Variants in DRGX observed in about 807,000 individuals in gnomAD.
DRGX encodes dorsal root ganglia homeobox protein.
Under a neutral mutation model 28.6 loss-of-function variants are expected in DRGX, and 21 were observed. The ratio of observed to expected loss-of-function variants is 0.73; its 90% CI spans 0.52 to 1.06. DRGX has a LOEUF of 1.06. Ranked by LOEUF, DRGX falls within the 50% of genes least tolerant of loss-of-function variation. The pLI is 0.00. For synonymous variants in DRGX, 136 were observed against 139.1 expected (o/e 0.98, Z 0.16); for missense variants, 354 against 343.9 (o/e 1.03, Z -0.23).
rs1849593405 is a variant in DRGX, at chr10:49,365,957, G to A, written c.*159C>T. Reference sequence around the variant, plus strand: ...GTGGGACTCCAGAGGGACGCTCCAGGTGCCAAGGGAGCTGTGGGTCTCACT... The same window carrying A: ...GTGGGACTCCAGAGGGACGCTCCAGATGCCAAGGGAGCTGTGGGTCTCACT... On this transcript the variant is annotated 3_prime_UTR_variant, in exon 7 of 7. Coordinates refer to ENST00000374139, the MANE Select transcript of DRGX (RefSeq NM_001276451.2). 9.7e-6 allele frequency: 8 copies of A among 826,470 alleles called. No homozygotes were observed. In the East Asian group the frequency reaches 2.4e-4, roughly 25 times the overall value. 51.2% of individuals were successfully genotyped at this position (826,470 alleles called of 1,614,324 possible). A position where few individuals can be genotyped will look rare whatever the true frequency, so the allele number is the denominator to read the frequency against.
chr10:49,377,898 T>A (rs1278266009), intron 6 of DRGX, among the ~76,000 whole-genome samples: 1 of 152,150 alleles, frequency 6.6e-6, no homozygotes, highest in Admixed American at 6.5e-5. Flanking sequence ...AAACCTGGAA[T>A]GGAGATTATA....
Position 49,390,240 on chromosome 10 carries a change from A to T in DRGX, c.133-6T>A. On this transcript the variant is annotated splice_polypyrimidine_tract_variant and splice_region_variant and intron_variant, in intron 3 of 6. Transcript: ENST00000374139. ...ACGGCCTCGAGAGCTTCCAGCTGGT[A>T]AAAGGAAAAAATATGTACTGGTGAG... is the stretch of plus-strand genomic sequence containing the variant. 1.2e-6 allele frequency: 2 copies of T among 1,603,940 alleles called. No homozygotes were observed. Among genetic ancestry groups the T allele is most frequent in the South Asian group, 2.3e-5 (2 of 88,784 alleles).
rs554330479 is a variant in DRGX, at chr10:49,366,304, G to C, written c.604C>G (p.Arg202Gly). Residue 202 changes from arginine to glycine, a missense_variant, in exon 7 of 7, where the codon CGC (arginine) becomes GGC (glycine). Physicochemically the swap from Arg to Gly is moderately radical, Grantham distance 125 (BLOSUM62 -2). Coordinates refer to ENST00000374139, the MANE Select transcript of DRGX (RefSeq NM_001276451.2). ...FLPTYGCQSN[R>G]TASVATLRMK... is the part of the protein sequence containing the mutation. ...CGCAGGGTGGCCACGCTGGCCGTGC[G>C]GTTACTCTGGCAGCCATAGGTGGGA... The C allele has an allele frequency of 1.9e-6, 3 of 1,613,912 alleles. No individual in the cohort carries two copies. Among genetic ancestry groups the C allele is most frequent in the Non-Finnish European group, 2.5e-6 (3 of 1,179,848 alleles).
chr10:49,393,370 G>A lies in DRGX; in HGVS notation c.34+2037C>T, dbSNP rs536169324. Among the ~76,000 whole-genome samples, 4 of 152,276 alleles carry A rather than the reference G, an allele frequency of 2.6e-5. No individual in the cohort carries two copies. The South Asian group carries it at 8.3e-4, about 32-fold the overall frequency. ...ATGAGAATTAAATCATGTTTTTCTT[G>A]AAGGAATCACAAAAAAAATAGCAGA... On this transcript the variant is annotated intron_variant, in intron 2 of 6. Transcript: ENST00000374139.
chr10:49,393,471 A>T (rs1304549665), intron 2 of DRGX, among the ~76,000 whole-genome samples: 2 of 152,228 alleles, frequency 1.3e-5, no homozygotes, highest in African/African-American at 4.8e-5. Context: ...CAAACTTCTC[A>T]GGCAGGTGCC....
chr10:49,374,214 A>G (rs1348378105), intron 6 of DRGX, among the ~76,000 whole-genome samples: 1 of 152,168 alleles, frequency 6.6e-6, no homozygotes, highest in Non-Finnish European at 1.5e-5. Context: ...TCCAGCACAG[A>G]GTCCCACACA....
chr10:49,375,229 T>C (rs1039608815), intron 6 of DRGX, among the ~76,000 whole-genome samples: 2 of 152,198 alleles, frequency 1.3e-5, no homozygotes, highest in Non-Finnish European at 2.9e-5. Flanking sequence ...TGAGCCGTGT[T>C]TGTTTTTGTA....
At chr10:49,384,762 C>A (rs970807874) in intron 6 of DRGX, among the ~76,000 whole-genome samples, 41 of 152,202 alleles carry the variant, frequency 2.7e-4, no homozygotes, top group African/African-American at 9.6e-4. Flanking sequence ...CTCCCTCTCA[C>A]ACACTGCCCT....
intron 6 of DRGX, among the ~76,000 whole-genome samples, chr10:49,371,389 G>A (rs985964126): frequency 7.2e-5 from 11 of 152,108 alleles, no homozygotes; most frequent in African/African-American, 1.9e-4. Flanking sequence ...ACAGTGGCTC[G>A]CACCTGTATT....
At position 49,391,562 on chromosome 10, in the gene DRGX, G is replaced by A. The variant is rs530479377; in HGVS notation, c.35-301C>T. Among the ~76,000 whole-genome samples, 8 of 152,264 alleles carry A rather than the reference G, an allele frequency of 5.3e-5. No individual in the cohort carries two copies. In the South Asian group the frequency reaches 1.2e-3, roughly 24 times the overall value. ...AACCAGGAAGGGTCACTGGCTTGAG[G>A]CAGAGCCTTCACGTGCTCTCCAGCT... On this transcript the variant is annotated intron_variant, in intron 2 of 6. Transcript: ENST00000374139.
intron 6 of DRGX, among the ~76,000 whole-genome samples, chr10:49,374,121 G>A (rs993989054): frequency 3.3e-5 from 5 of 151,974 alleles, no homozygotes; most frequent in Non-Finnish European, 7.4e-5. Context: ...AACTGACCAG[G>A]TATTACTCTC....
At chr10:49,386,419 C>A (rs1849836565) in intron 6 of DRGX, 59 bp downstream of exon 6, 5 of 1,434,438 alleles carry the variant, frequency 3.5e-6, no homozygotes, top group Non-Finnish European at 3.7e-6. Flanking sequence ...AGGCCGGTCA[C>A]ACAAACTCCA....
At chr10:49,386,449 C>T (rs903196355) in intron 6 of DRGX, 29 bp downstream of exon 6, 2 of 1,500,220 alleles carry the variant, frequency 1.3e-6, no homozygotes, top group African/African-American at 1.4e-5. Context: ...TGAGGCCACG[C>T]CCACCAGCCC....
intron 2 of DRGX, 146 bp downstream of exon 2, chr10:49,395,261 G>T: frequency 1.1e-6 from 1 of 922,326 alleles, no homozygotes; most frequent in Non-Finnish European, 1.6e-6. Context: ...GGTGTAGGGA[G>T]GGGTCCAGGG....
chr10:49,395,350 G>T (rs1054081424), intron 2 of DRGX, 57 bp downstream of exon 2: 3 of 1,544,780 alleles, frequency 1.9e-6, no homozygotes, highest in Non-Finnish European at 8.7e-7. Flanking sequence ...CTGCCGCTCC[G>T]GCCCTTTCTG....
chr10:49,389,353 T>C (rs1391802186), intron 4 of DRGX, among the ~76,000 whole-genome samples: 1 of 152,170 alleles, frequency 6.6e-6, no homozygotes, highest in Admixed American at 6.5e-5. Flanking sequence ...CTTTGCATAG[T>C]CTTAACCCCA....
At chr10:49,383,685 G>A (rs1215164679) in intron 6 of DRGX, among the ~76,000 whole-genome samples, 4 of 152,220 alleles carry the variant, frequency 2.6e-5, no homozygotes, top group African/African-American at 9.6e-5. Flanking sequence ...CATGAGGGCG[G>A]AGCTCTCGTG....
In DRGX at chr10:49,366,836, G is replaced by A. The variant is rs532334395; in HGVS notation, c.527-455C>T. ...AACCCAGCCACACATGTCAGGTGCCGGGCAAGCTGCTGGCTGCAGGCAGTT... is the reference window on the plus strand; with the variant it reads ...AACCCAGCCACACATGTCAGGTGCCAGGCAAGCTGCTGGCTGCAGGCAGTT... On this transcript the variant is annotated intron_variant, in intron 6 of 6. Transcript: ENST00000374139. Among the ~76,000 whole-genome samples the A allele has an allele frequency of 8.5e-5, 13 of 152,304 alleles. No homozygotes were observed. The South Asian group carries it at 2.5e-3, about 29-fold the overall frequency.
rs530389287 is a variant in DRGX, at chr10:49,364,599, T to A, written c.*1517A>T. The A allele has an allele frequency of 6.6e-6, 1 of 152,340 alleles. No individual in the cohort carries two copies. Among genetic ancestry groups the A allele is most frequent in the Non-Finnish European group, 1.5e-5 (1 of 68,032 alleles). 9.4% of individuals were successfully genotyped at this position (152,340 alleles called of 1,614,324 possible). On this transcript the variant is annotated 3_prime_UTR_variant, in exon 7 of 7. Transcript: ENST00000374139. ...TAATTACAGGGAAACGGAAGCAACT[T>A]TGCCGCTTTTTGGCAAATCGTTTCA...
Sources: allele counts gnomAD v4.1 joint callset (sites outside exome capture counted in the v4.1 genomes callset), GRCh38; gene constraint gnomAD v4.1.1; transcripts MANE v1.5; gene names NCBI Gene and HGNC (gene_info 2026-07-23, HGNC 2026-07-21).